Variants in BET1 observed in about 807,000 individuals in gnomAD.
BET1 encodes the protein Bet1 golgi vesicular membrane trafficking protein, also known as BET1 homolog.
Under a neutral mutation model 13.9 loss-of-function variants are expected in BET1, and 9 were observed. The ratio of observed to expected loss-of-function variants is 0.65; its 90% confidence interval spans 0.39 to 1.13. BET1 has a LOEUF of 1.13. BET1 is among the 50% of genes most tolerant of loss of function. The pLI, the probability that BET1 is intolerant of heterozygous loss-of-function variation, is 0.01. For missense variants in BET1, 127 were observed against 133.6 expected (o/e 0.95, Z 0.24); for synonymous variants, 39 against 47.3 (o/e 0.82, Z 0.72).
chr7:93,984,956 G>A (rs551439834), intron 4 of BET1, among the ~76,000 whole-genome samples: 1 of 152,258 alleles, frequency 6.6e-6, no homozygotes, highest in African/African-American at 2.4e-5. Context: ...AAATTCAGAA[G>A]CTAGGAGATT....
intron 4 of BET1, among the ~76,000 whole-genome samples, chr7:93,978,308 A>G (rs768421351): frequency 3.3e-5 from 5 of 152,130 alleles, no homozygotes; most frequent in Admixed American, 1.3e-4. Context: ...GGCTCAAGCA[A>G]TCTGCCCACC....
intron 4 of BET1, among the ~76,000 whole-genome samples, chr7:93,979,686 C>G (rs1199057353): frequency 2.0e-5 from 3 of 152,170 alleles, no homozygotes; most frequent in African/African-American, 7.2e-5. Context: ...CCCCAGCATA[C>G]TGCCATATGA....
At chr7:93,995,694 C>T (rs1795752302) in intron 3 of BET1, among the ~76,000 whole-genome samples, 1 of 152,106 alleles carries the variant, frequency 6.6e-6, no homozygotes, top group African/African-American at 2.4e-5. Flanking sequence ...TTGAATAGCA[C>T]AATTTTAAAA....
rs541426789 is a variant in BET1, at chr7:93,982,339, C to G, written c.236-6239G>C. On this transcript the variant is annotated intron_variant and NMD_transcript_variant, in intron 4 of 6. Transcript: ENST00000357520. ...GGAAGCCAGGAATTCTCTCACTCTG[C>G]CATCCCATTATAATTGACAACTCTC... 3.3e-5 allele frequency among the ~76,000 whole-genome samples: 5 copies of G among 152,170 alleles called. No individual in the cohort carries two copies. In the South Asian group the frequency reaches 1.0e-3, roughly 32 times the overall value.
chr7:93,992,839 T>C (rs528077184), downstream of BET1: 26 of 949,436 alleles, frequency 2.7e-5, no homozygotes, highest in Admixed American at 6.2e-5. Context: ...AGTTAAGGAA[T>C]AGAGATATGA....
chr7:93,986,625 GGCTAAGTGGATTACACATCTT>G (rs1400309728), intron 4 of BET1, among the ~76,000 whole-genome samples: 1 of 152,124 alleles, frequency 6.6e-6, no homozygotes, highest in Non-Finnish European at 1.5e-5. Context: ...TTACATTGTG[GGCTAAGTGGATTACACATCTT>G]GCTGTAGGGC....
At chr7:93,978,266 G>T (rs1795372487) in intron 4 of BET1, among the ~76,000 whole-genome samples, 1 of 152,072 alleles carries the variant, frequency 6.6e-6, no homozygotes, top group Non-Finnish European at 1.5e-5. Context: ...GAGGGGTTTT[G>T]CTATGTGGCC....
chr7:93,999,427 G>T, intron 1 of BET1, 133 bp from the exon 2 acceptor site: 2 of 1,140,392 alleles, frequency 1.8e-6, no homozygotes, highest in Non-Finnish European at 1.2e-6. Context: ...TACTCCAAAT[G>T]AATTTAAAAA....
chr7:93,975,435 T>C (rs1795320849), intron 5 of BET1, among the ~76,000 whole-genome samples: 1 of 152,124 alleles, frequency 6.6e-6, no homozygotes, highest in Non-Finnish European at 1.5e-5. Context: ...TCCTTAATTT[T>C]GTTTTCCAAA....
Position 94,000,107 on chromosome 7 carries a change from C to CTT in BET1, c.20-815_20-814dup, listed in dbSNP as rs11438992. Among the ~76,000 whole-genome samples the CTT allele has an allele frequency of 8.4e-4, 119 of 141,690 alleles. 1 individual carries two copies. Among genetic ancestry groups the CTT allele is most frequent in the East Asian group, 1.0e-3 (5 of 4,770 alleles). 93.0% of individuals were successfully genotyped at this position (141,690 alleles called of 152,430 possible). Reference sequence around the variant, plus strand: ...TAGTTCAGGGTGTTAGTTAACTATACTTTTTTTTTTTTTTTGAGGTGGAGT... The same window carrying CTT: ...TAGTTCAGGGTGTTAGTTAACTATACTTTTTTTTTTTTTTTTTGAGGTGGAGT... On this transcript the variant is annotated intron_variant, in intron 1 of 3. Transcript: ENST00000222547.
intron 1 of BET1, among the ~76,000 whole-genome samples, chr7:94,002,145 G>A (rs996187059): frequency 1.3e-5 from 2 of 152,152 alleles, no homozygotes; most frequent in Non-Finnish European, 2.9e-5. Flanking sequence ...AAAAAAGCTA[G>A]TGAGTACTGA....
chr7:94,003,573 G>A (rs1037909099), intron 1 of BET1, among the ~76,000 whole-genome samples: 19 of 152,070 alleles, frequency 1.2e-4, no homozygotes, highest in African/African-American at 4.6e-4. Context: ...TATTCTTGCT[G>A]ATGAGCCAGT....
At chr7:93,985,658 A>G (rs924308129) in intron 4 of BET1, among the ~76,000 whole-genome samples, 1 of 152,228 alleles carries the variant, frequency 6.6e-6, no homozygotes, top group South Asian at 2.1e-4. Flanking sequence ...TGTTCAAACC[A>G]AATAATGGAG....
intron 6 of BET1, chr7:93,969,625 T>G (rs1782780062): frequency 1.3e-5 from 2 of 151,784 alleles, no homozygotes; most frequent in African/African-American, 4.8e-5. Flanking sequence ...AAACCCAAAT[T>G]ATAATCCATA....
At chr7:93,965,893 G>C (rs1350788032) in intron 6 of BET1, among the ~76,000 whole-genome samples, 1 of 151,906 alleles carries the variant, frequency 6.6e-6, no homozygotes, top group African/African-American at 2.4e-5. Context: ...CCTTTACTTA[G>C]TTTTCTTATT....
intron 6 of BET1, among the ~76,000 whole-genome samples, chr7:93,967,597 A>C (rs1308858485): frequency 6.6e-6 from 1 of 151,834 alleles, no homozygotes; most frequent in Non-Finnish European, 1.5e-5. Context: ...CTATTTTGAA[A>C]GGCTGAAATG....
downstream of BET1, among the ~76,000 whole-genome samples, chr7:93,988,441 G>GT (rs1795568723): frequency 6.6e-6 from 1 of 152,138 alleles, no homozygotes; most frequent in Admixed American, 6.5e-5. Flanking sequence ...TAAGATGGAT[G>GT]TATGTGTATA....
intron 1 of BET1, among the ~76,000 whole-genome samples, chr7:94,003,918 A>G (rs1484277222): frequency 1.3e-5 from 2 of 151,974 alleles, no homozygotes; most frequent in African/African-American, 2.4e-5. Flanking sequence ...CAATAACACT[A>G]AAACACTCGA....
Position 93,993,705 on chromosome 7 carries a change from T to TTA in BET1, c.*523_*524dup. 3 of 1,355,536 alleles carry TTA rather than the reference T, an allele frequency of 2.2e-6. No homozygotes were observed. In the South Asian group the frequency reaches 6.3e-5, roughly 28 times the overall value. 84.0% of individuals were successfully genotyped at this position (1,355,536 alleles called of 1,614,324 possible). A position where few individuals can be genotyped will look rare whatever the true frequency, so the allele number is the denominator to read the frequency against. The stretch of plus-strand genomic sequence containing the variant: ...GAGGGGTCATTATCATCAAAAATTA[T>TTA]TAGGAAGATTGTAGGTAAAAAGAAA... On this transcript the variant is annotated 3_prime_UTR_variant, in exon 4 of 4. Coordinates refer to ENST00000222547, the MANE Select transcript of BET1 (RefSeq NM_005868.6).
Sources: gnomAD v4.1 joint callset for allele counts (sites outside exome capture counted in the v4.1 genomes callset) on GRCh38, gnomAD v4.1.1 for gene constraint, MANE v1.5 for transcripts, NCBI Gene and HGNC (gene_info 2026-07-23, HGNC 2026-07-21) for gene names.